Variants in CAMK1D observed in about 807,000 individuals in gnomAD.
CAMK1D encodes the protein calcium/calmodulin-dependent protein kinase type 1D.
In CAMK1D, 9 loss-of-function variants were observed where a neutral mutation model predicts 47.7. The observed-to-expected ratio is 0.19, with a 90% CI of 0.11 to 0.33. CAMK1D has a LOEUF of 0.33. CAMK1D is among the 10% of genes least tolerant of loss of function. The pLI is 1.00. For synonymous variants in CAMK1D, 184 were observed against 184.9 expected, an observed-to-expected ratio of 0.99 and a Z score of 0.04; for missense variants, 291 against 488.7, an observed-to-expected ratio of 0.60 and a Z score of 3.81.
rs1036103489 is a variant in CAMK1D, at chr10:12,834,570, C to T, written c.*5683C>T. 6.6e-6 allele frequency: 1 copy of T among 152,080 alleles called. No homozygotes were observed. The highest frequency in any genetic ancestry group is 2.4e-5 in the African/African-American group (1 of 41,426). The allele number at this position is 152,080 out of a possible 1,614,324, so 9.4% of individuals were successfully genotyped here. A position where few individuals can be genotyped will look rare whatever the true frequency, so the allele number is the denominator to read the frequency against. ...GCATTCACCCTTTGTACTATAACACCGCTTCTGCATTCGCCATATCCGTTT... is the reference window on the plus strand; with the variant it reads ...GCATTCACCCTTTGTACTATAACACTGCTTCTGCATTCGCCATATCCGTTT... On this transcript the variant is annotated 3_prime_UTR_variant, in exon 11 of 11. Transcript: ENST00000619168.
chr10:12,726,550 C>T (rs956295121), intron 3 of CAMK1D, among the ~76,000 whole-genome samples: 7 of 152,218 alleles, frequency 4.6e-5, no homozygotes, highest in African/African-American at 1.7e-4. Context: ...AGACATGTCT[C>T]AGAAAATAAT....
intron 1 of CAMK1D, among the ~76,000 whole-genome samples, chr10:12,427,809 G>T (rs1365237098): frequency 1.4e-5 from 2 of 139,190 alleles, no homozygotes; most frequent in South Asian, 4.7e-4. Context: ...CCGGGTTCAA[G>T]CGATTCTCCT....
intron 1 of CAMK1D, among the ~76,000 whole-genome samples, chr10:12,373,244 T>C (rs1259992177): frequency 3.3e-5 from 5 of 151,694 alleles, no homozygotes; most frequent in Admixed American, 1.3e-4. Context: ...GCCCAGGAAG[T>C]TGAGGCTGCA....
intron 2 of CAMK1D, among the ~76,000 whole-genome samples, chr10:12,627,637 T>C (rs1839259096): frequency 6.6e-6 from 1 of 152,230 alleles, no homozygotes; most frequent in Non-Finnish European, 1.5e-5. Flanking sequence ...AATGGAATCA[T>C]AGAGCACATT....
intron 10 of CAMK1D, 28 bp from the exon 11 acceptor site, chr10:12,828,741 T>C: frequency 6.4e-7 from 1 of 1,574,086 alleles, no homozygotes; most frequent in Non-Finnish European, 8.7e-7. Context: ...TCTGAAACTC[T>C]GAAGCCCACT....
chr10:12,641,619 C>CA (rs572283072), intron 2 of CAMK1D, among the ~76,000 whole-genome samples: 4,479 of 127,530 alleles, frequency 0.035, 90 homozygotes, highest in African/African-American at 0.053. Flanking sequence ...ATCCCCATCT[C>CA]AAAAAAAAAA....
At chr10:12,709,083 A>T (rs139596643) in intron 3 of CAMK1D, among the ~76,000 whole-genome samples, 68 of 152,344 alleles carry the variant, frequency 4.5e-4, no homozygotes, top group African/African-American at 1.5e-3. Flanking sequence ...CAAGCCTCAG[A>T]CATCTTTCCT....
chr10:12,625,076 C>T (rs1298915010), intron 2 of CAMK1D, among the ~76,000 whole-genome samples: 1 of 152,024 alleles, frequency 6.6e-6, no homozygotes, highest in Non-Finnish European at 1.5e-5. Flanking sequence ...GTGGCTCATG[C>T]CTGTAATCCC....
chr10:12,549,886 T>C (rs1373425569), intron 1 of CAMK1D, among the ~76,000 whole-genome samples: 1 of 152,182 alleles, frequency 6.6e-6, no homozygotes, highest in African/African-American at 2.4e-5. Context: ...CCCAGTCTAT[T>C]GTCTCTCGGG....
At position 12,667,307 on chromosome 10, in the gene CAMK1D, G is replaced by A. The variant is rs186015348; in HGVS notation, c.299+497G>A. On this transcript the variant is annotated intron_variant, in intron 3 of 10. Coordinates refer to ENST00000619168, the MANE Select transcript of CAMK1D (RefSeq NM_153498.4). The stretch of plus-strand genomic sequence containing the variant: ...GCACATGTGACTGAAAAGGGAATTC[G>A]TGCCAGACATAAGAGAAGTATAATT... Among the ~76,000 whole-genome samples the A allele has an allele frequency of 2.6e-3, 389 of 152,294 alleles. 2 individuals are homozygous for A. In the Middle Eastern group the frequency reaches 0.034, roughly 13 times the overall value.
intron 1 of CAMK1D, among the ~76,000 whole-genome samples, chr10:12,478,028 CAG>C (rs1833953045): frequency 6.9e-6 from 1 of 145,894 alleles, no homozygotes; most frequent in African/African-American, 2.5e-5. Flanking sequence ...TTTTTGGAGA[CAG>C]AGTCTTGCTC....
At chr10:12,582,262 C>T (rs1837685301) in intron 2 of CAMK1D, among the ~76,000 whole-genome samples, 2 of 152,068 alleles carry the variant, frequency 1.3e-5, no homozygotes, top group African/African-American at 4.8e-5. Context: ...ATTTTTATAC[C>T]AGTACCATGC....
chr10:12,451,609 TATTA>T (rs1351889878), intron 1 of CAMK1D, among the ~76,000 whole-genome samples: 4 of 152,238 alleles, frequency 2.6e-5, no homozygotes, highest in Non-Finnish European at 5.9e-5. Flanking sequence ...ACTTAATAAA[TATTA>T]ATTGTCATTC....
At chr10:12,785,609 G>A (rs529257768) in intron 5 of CAMK1D, among the ~76,000 whole-genome samples, 1 of 152,296 alleles carries the variant, frequency 6.6e-6, no homozygotes, top group East Asian at 1.9e-4. Context: ...ACTGTGCTGG[G>A]CACCTCCTGG....
At chr10:12,807,783 G>A (rs767439803) in intron 6 of CAMK1D, among the ~76,000 whole-genome samples, 1 of 152,140 alleles carries the variant, frequency 6.6e-6, no homozygotes, top group South Asian at 2.1e-4. Context: ...TGAACTGTCC[G>A]TTCCTCCGTC....
chr10:12,749,443 TAAAAAAAA>T (rs60406640), intron 3 of CAMK1D, among the ~76,000 whole-genome samples: 4 of 119,256 alleles, frequency 3.4e-5, no homozygotes, highest in African/African-American at 1.2e-4. Context: ...GCTAGAAAGT[TAAAAAAAA>T]AAAAAAAAAA....
chr10:12,777,063 T>G (rs780386278), intron 5 of CAMK1D, among the ~76,000 whole-genome samples: 10 of 152,134 alleles, frequency 6.6e-5, no homozygotes, highest in Non-Finnish European at 1.5e-4. Flanking sequence ...GTAATGAGGA[T>G]CAACTAGATT....
Position 12,597,914 on chromosome 10 carries a change from C to T in CAMK1D, c.224+44558C>T, listed in dbSNP as rs534542026. The stretch of plus-strand genomic sequence containing the variant: ...GGACATAAAGTGTTGGTGTTGGCAT[C>T]GTTATCAAACAATAACAGAAAACAC... On this transcript the variant is annotated intron_variant, in intron 2 of 10. Transcript: ENST00000619168. Among the ~76,000 whole-genome samples, 4 of 152,298 alleles carry T rather than the reference C, an allele frequency of 2.6e-5. No individual in the cohort carries two copies. In the East Asian group the frequency reaches 5.8e-4, roughly 22 times the overall value.
At chr10:12,364,684 A>G (rs1230049445) in intron 1 of CAMK1D, among the ~76,000 whole-genome samples, 1 of 152,014 alleles carries the variant, frequency 6.6e-6, no homozygotes, top group Non-Finnish European at 1.5e-5. Flanking sequence ...GAAGGAGGCC[A>G]TTGGAGTCAG....
Sources: allele counts gnomAD v4.1 joint callset (sites outside exome capture counted in the v4.1 genomes callset), GRCh38; gene constraint gnomAD v4.1.1; transcripts MANE v1.5; gene names NCBI Gene and HGNC (gene_info 2026-07-23, HGNC 2026-07-21).